Variants in MTMR8 observed in about 807,000 individuals in gnomAD.
MTMR8 encodes the protein myotubularin related protein 8.
A neutral mutation model predicts 39.3 loss-of-function variants in MTMR8; 65 were observed. The observed-to-expected ratio is 1.65, with a 90% CI of 1.35 to 2.03. The LOEUF (loss-of-function observed/expected upper bound fraction) is 2.03. Among genes scored for constraint, MTMR8 ranks in the 30% most tolerant of loss-of-function variants. The probability of loss-of-function intolerance (pLI) is 0.00; values close to 1 mark genes in which losing one functional copy is unlikely to be tolerated. For synonymous variants in MTMR8, 245 were observed against 185.2 expected (o/e 1.32, Z -2.62); for missense variants, 777 against 538.9 (o/e 1.44, Z -4.37).
At chrX:64,282,916 T>A (rs888004791) in intron 12 of MTMR8, among the ~76,000 whole-genome samples, 5 of 110,853 alleles carry the variant, frequency 4.5e-5, no homozygotes, top group Admixed American at 1.9e-4. Flanking sequence ...AGAAGACGGG[T>A]GATTTCTGTA....
intron 1 of MTMR8, among the ~76,000 whole-genome samples, chrX:64,373,319 T>C (rs1286299201): frequency 9.0e-6 from 1 of 111,478 alleles, no homozygotes; most frequent in Non-Finnish European, 1.9e-5. Context: ...GGGAGGTGAT[T>C]AGATCACGAG....
chrX:64,348,245 C>T (rs1281922774), intron 6 of MTMR8, among the ~76,000 whole-genome samples: 1 of 109,836 alleles, frequency 9.1e-6, no homozygotes, highest in African/African-American at 3.3e-5. Context: ...TTACTGTGGC[C>T]TAACACATTT....
intron 1 of MTMR8, among the ~76,000 whole-genome samples, chrX:64,372,055 C>A (rs1437982459): frequency 1.6e-4 from 17 of 107,737 alleles, no homozygotes; most frequent in African/African-American, 5.0e-4. Context: ...TAGATGAGAA[C>A]ATAATGGAAT....
chrX:64,273,469 T>C (rs1310847151), intron 12 of MTMR8, among the ~76,000 whole-genome samples: 2 of 104,489 alleles, frequency 1.9e-5, no homozygotes, highest in Non-Finnish European at 3.9e-5. Flanking sequence ...AGCATACTAA[T>C]ATAAAAACTA....
At chrX:64,289,062 T>TACA (rs968113027) in intron 12 of MTMR8, among the ~76,000 whole-genome samples, 9 of 109,727 alleles carry the variant, frequency 8.2e-5, no homozygotes, top group Admixed American at 3.9e-4. Flanking sequence ...TAAAAACTTC[T>TACA]ACAACAACAA....
rs970025154 is a variant in MTMR8 at position 64,348,810 on chromosome X, G to T, written c.598-16C>A. Reference sequence around the variant, plus strand: ...AAATGGCAGCCTGTAAGGAAAAGGTGTGTCAGTTGAGTGATTATATTCACA... The same window carrying T: ...AAATGGCAGCCTGTAAGGAAAAGGTTTGTCAGTTGAGTGATTATATTCACA... On this transcript the variant is annotated splice_polypyrimidine_tract_variant and intron_variant, in intron 5 of 13. Coordinates refer to ENST00000374852, the MANE Select transcript of MTMR8 (RefSeq NM_017677.4). 1.7e-6 allele frequency: 2 copies of T among 1,207,256 alleles called. No homozygotes were observed. Among genetic ancestry groups the T allele is most frequent in the Non-Finnish European group, 2.2e-6 (2 of 893,440 alleles).
intron 1 of MTMR8, among the ~76,000 whole-genome samples, chrX:64,383,106 C>T (rs1014662023): frequency 9.0e-6 from 1 of 111,302 alleles, no homozygotes; most frequent in African/African-American, 3.3e-5. Flanking sequence ...TCATTTGAGT[C>T]CTTACTACAA....
At chrX:64,389,773 C>T (rs768678903) in intron 1 of MTMR8, among the ~76,000 whole-genome samples, 8 of 111,887 alleles carry the variant, frequency 7.2e-5, no homozygotes, top group Non-Finnish European at 1.1e-4. Flanking sequence ...ATGTGCCAGG[C>T]CCTCATCATA....
chrX:64,304,126 C>G (rs1018463280), intron 12 of MTMR8, among the ~76,000 whole-genome samples: 2 of 111,896 alleles, frequency 1.8e-5, no homozygotes, highest in Non-Finnish European at 3.8e-5. Context: ...TGTTTTCTGA[C>G]TTGAGAGTCA....
Position 64,268,169 on chromosome X carries a change from T to G in MTMR8, c.*368A>C. 2 of 184,110 alleles carry G rather than the reference T, an allele frequency of 1.1e-5. No individual in the cohort carries two copies. 15.2% of individuals were successfully genotyped at this position (184,110 alleles called of 1,213,427 possible). On this transcript the variant is annotated 3_prime_UTR_variant, in exon 14 of 14. Coordinates refer to ENST00000374852, the MANE Select transcript of MTMR8 (RefSeq NM_017677.4). Reference sequence around the variant, plus strand: ...CCTCAAAAGGGTCATTATTGACCATTGTGACAATATTTCCACTTCACTTTC... The same window carrying G: ...CCTCAAAAGGGTCATTATTGACCATGGTGACAATATTTCCACTTCACTTTC...
intron 1 of MTMR8, among the ~76,000 whole-genome samples, chrX:64,366,609 G>A (rs1923966198): frequency 1.8e-5 from 2 of 112,183 alleles, no homozygotes; most frequent in Admixed American, 1.9e-4. Flanking sequence ...TTAAAGCAGT[G>A]TGTAGAGGGA....
chrX:64,362,163 T>A (rs1334648305), intron 1 of MTMR8, among the ~76,000 whole-genome samples: 4 of 109,780 alleles, frequency 3.6e-5, no homozygotes, highest in Non-Finnish European at 7.6e-5. Flanking sequence ...AAAAGTCTAA[T>A]GAAGGATATA....
intron 5 of MTMR8, 110 bp from the exon 6 acceptor site, chrX:64,348,904 G>T: frequency 1.2e-6 from 1 of 848,517 alleles, no homozygotes; most frequent in South Asian, 2.6e-5. Flanking sequence ...GCCAACTTAA[G>T]ATAGTGTCCA....
chrX:64,305,248 A>G (rs1362981215), intron 12 of MTMR8: 3 of 165,029 alleles, frequency 1.8e-5, no homozygotes, highest in African/African-American at 6.4e-5. Context: ...ACATTTTTCT[A>G]TAAGATTGGC....
intron 12 of MTMR8, among the ~76,000 whole-genome samples, chrX:64,287,930 C>A (rs1230116775): frequency 1.1e-5 from 1 of 92,942 alleles, no homozygotes; most frequent in Non-Finnish European, 2.1e-5. Context: ...TCTAAAACAC[C>A]AAAAGCAATG....
intron 12 of MTMR8, among the ~76,000 whole-genome samples, chrX:64,314,152 A>G (rs1922394639): frequency 8.9e-6 from 1 of 112,544 alleles, no homozygotes; most frequent in Non-Finnish European, 1.9e-5. Flanking sequence ...GCTGTGCTAG[A>G]AGGGCCGAGG....
Position 64,359,410 on chromosome X carries a change from T to C in MTMR8, c.142A>G (p.Thr48Ala), listed in dbSNP as rs1340588049. Residue 48 changes from threonine (T) to alanine (A), a missense_variant, in exon 2 of 14, where the codon ACA becomes GCA. Physicochemically the swap from Thr to Ala is moderately conservative, Grantham distance 58 (BLOSUM62 0). Coordinates refer to ENST00000374852, the MANE Select transcript of MTMR8 (RefSeq NM_017677.4). ...VEASGAARKE[T>A]WIALHHIATV... ...ACTTCTTCTCATGAACATACCCATG[T>C]TTCTTTCCGGGCTGCACCTGAAGCC... The C allele has an allele frequency of 8.3e-7, 1 of 1,203,231 alleles. No homozygotes were observed. Among genetic ancestry groups the C allele is most frequent in the South Asian group, 1.8e-5 (1 of 55,356 alleles).
intron 12 of MTMR8, among the ~76,000 whole-genome samples, chrX:64,284,516 T>A (rs1281572598): frequency 9.0e-6 from 1 of 111,063 alleles, no homozygotes; most frequent in Non-Finnish European, 1.9e-5. Context: ...CCAAGACACA[T>A]AATTGTCAGA....
intron 1 of MTMR8, among the ~76,000 whole-genome samples, chrX:64,375,060 A>T (rs911714769): frequency 5.3e-4 from 58 of 109,410 alleles, no homozygotes; most frequent in Non-Finnish European, 1.3e-4. Flanking sequence ...AAAAAAAAAA[A>T]AAAAAAAGTG....
Sources: allele counts gnomAD v4.1 joint callset (sites outside exome capture counted in the v4.1 genomes callset), GRCh38; gene constraint gnomAD v4.1.1; transcripts MANE v1.5; gene names NCBI Gene and HGNC (gene_info 2026-07-23, HGNC 2026-07-21).